Variants in MICU3 observed in about 807,000 individuals in gnomAD.
The protein encoded by MICU3 is calcium uptake protein 3, mitochondrial.
A neutral mutation model predicts 66.5 loss-of-function variants in MICU3; 62 were observed. The observed-to-expected ratio is 0.93, with a 90% confidence interval of 0.76 to 1.15. The LOEUF (loss-of-function observed/expected upper bound fraction) is 1.15. Ranked by LOEUF, MICU3 falls within the 50% of genes most tolerant of loss-of-function variation. The pLI, the probability that MICU3 is intolerant of heterozygous loss-of-function variation, is 0.00. For synonymous variants in MICU3, 308 were observed against 240.7 expected, an observed-to-expected ratio of 1.28 and a Z score of -2.59; for missense variants, 779 against 664.4, an observed-to-expected ratio of 1.17 and a Z score of -1.90.
At chr8:17,073,609 A>C (rs1347356263) in intron 3 of MICU3, among the ~76,000 whole-genome samples, 1 of 152,168 alleles carries the variant, frequency 6.6e-6, no homozygotes, top group Non-Finnish European at 1.5e-5. Context: ...TCATCCCCAG[A>C]ACATTTCCTC....
rs547359682 is a variant in MICU3, at chr8:17,101,681, C to G, written c.985-2710C>G. 2.0e-5 allele frequency among the ~76,000 whole-genome samples: 3 copies of G among 151,942 alleles called. No individual in the cohort carries two copies. The East Asian group carries it at 5.8e-4, about 29-fold the overall frequency. The stretch of plus-strand genomic sequence containing the variant: ...CATCCCACACTGTAAGAAAACATTC[C>G]TTAATTATGTTATCTGAATTCACTA... On this transcript the variant is annotated intron_variant, in intron 9 of 14. Transcript: ENST00000318063.
chr8:17,064,333 A>C, intron 2 of MICU3, 96 bp downstream of exon 2: 1 of 868,270 alleles, frequency 1.2e-6, no homozygotes, highest in Non-Finnish European at 1.7e-6. Flanking sequence ...AGAAGAACTG[A>C]GTAATGTGGT....
At chr8:17,132,972 G>A in the MICU3 span, 1 of 152,230 alleles carries the variant, frequency 6.6e-6, no homozygotes, top group Non-Finnish European at 1.5e-5. Context: ...CCTTCCTCCA[G>A]GTGAAGAGCC....
At position 17,039,110 on chromosome 8, in the gene MICU3, G is replaced by T. The variant is rs180958143; in HGVS notation, c.381+11450G>T. On this transcript the variant is annotated intron_variant, in intron 1 of 14. Coordinates refer to ENST00000318063, the MANE Select transcript of MICU3 (RefSeq NM_181723.3). ...AAAATTTTGATTTGCTGAAGGCTCA[G>T]ATGATCATTAGCACTTTTTTAGCAA... is the stretch of plus-strand genomic sequence containing the variant. 2.4e-3 allele frequency among the ~76,000 whole-genome samples: 366 copies of T among 152,274 alleles called. 3 individuals carry two copies. In the South Asian group the frequency reaches 0.028, roughly 11 times the overall value.
At chr8:17,069,756 A>G (rs762526712) in intron 3 of MICU3, 37 bp downstream of exon 3, 6 of 1,049,108 alleles carry the variant, frequency 5.7e-6, no homozygotes, top group Non-Finnish European at 8.3e-6. Context: ...CACAAATTTT[A>G]TATGTGCATG....
intron 12 of MICU3, among the ~76,000 whole-genome samples, chr8:17,115,978 T>C (rs929841745): frequency 2.6e-5 from 4 of 152,190 alleles, no homozygotes; most frequent in African/African-American, 7.2e-5. Flanking sequence ...CAAAATCACA[T>C]CCTTTTCCTA....
chr8:17,130,205 T>C, the MICU3 span, among the ~76,000 whole-genome samples: 1 of 152,132 alleles, frequency 6.6e-6, no homozygotes, highest in African/African-American at 2.4e-5. Context: ...TAGTAAAATA[T>C]ACAATGTTTT....
At chr8:17,039,357 T>C (rs946020230) in intron 1 of MICU3, among the ~76,000 whole-genome samples, 8 of 152,242 alleles carry the variant, frequency 5.3e-5, no homozygotes, top group African/African-American at 1.9e-4. Context: ...CAGTTTTTTA[T>C]AGTGAGGGAA....
the MICU3 span, among the ~76,000 whole-genome samples, chr8:17,128,135 G>A: frequency 4.6e-5 from 7 of 152,050 alleles, no homozygotes; most frequent in Admixed American, 1.3e-4. Context: ...AGCATAATCA[G>A]CTTTGAAACA....
At chr8:17,116,973 A>G (rs888985203) in intron 13 of MICU3, among the ~76,000 whole-genome samples, 1 of 152,006 alleles carries the variant, frequency 6.6e-6, no homozygotes, top group African/African-American at 2.4e-5. Context: ...TTTTATTTTA[A>G]TTTAATTTTA....
At chr8:17,110,744 G>T (rs923807020) in intron 11 of MICU3, among the ~76,000 whole-genome samples, 3 of 150,216 alleles carry the variant, frequency 2.0e-5, no homozygotes, top group Admixed American at 1.3e-4. Context: ...TTTGGGGAGG[G>T]GGGGGTAGAG....
chr8:17,123,188 C>T (rs1431412035), downstream of MICU3, among the ~76,000 whole-genome samples: 1 of 152,006 alleles, frequency 6.6e-6, no homozygotes, highest in African/African-American at 2.4e-5. Context: ...AATAATGGTA[C>T]ACCTTGCAAT....
At chr8:17,076,469 C>T (rs1820403866) in intron 3 of MICU3, among the ~76,000 whole-genome samples, 1 of 152,100 alleles carries the variant, frequency 6.6e-6, no homozygotes, top group African/African-American at 2.4e-5. Flanking sequence ...TAATCAGATG[C>T]ACTGATTATC....
At position 17,033,459 on chromosome 8, in the gene MICU3, C is replaced by T. The variant is rs143722660; in HGVS notation, c.381+5799C>T. On this transcript the variant is annotated intron_variant, in intron 1 of 14. Coordinates refer to ENST00000318063, the MANE Select transcript of MICU3 (RefSeq NM_181723.3). The stretch of plus-strand genomic sequence containing the variant: ...TATCATCAATTTTTTTTTTTGAGAC[C>T]GAGTCTTGCTCTGTCGCCCAGGCTG... 9.1e-3 allele frequency among the ~76,000 whole-genome samples: 1,377 copies of T among 151,680 alleles called. 25 individuals are homozygous for T. Among genetic ancestry groups the T allele is most frequent in the African/African-American group, 0.032 (1,306 of 41,368 alleles).
In MICU3 at chr8:17,116,614, T is replaced by G. The variant is rs1802703591; in HGVS notation, c.1524+14T>G. ...AGAGGATTCCGGGTAAACCTACACA[T>G]TTTAAACCTATTGATATCCTTTTTA... On this transcript the variant is annotated intron_variant, in intron 13 of 14. Coordinates refer to ENST00000318063, the MANE Select transcript of MICU3 (RefSeq NM_181723.3). 6.6e-7 allele frequency: 1 copy of G among 1,526,100 alleles called. No individual in the cohort carries two copies. Among genetic ancestry groups the G allele is most frequent in the Non-Finnish European group, 8.8e-7 (1 of 1,140,682 alleles). 94.5% of individuals were successfully genotyped at this position (1,526,100 alleles called of 1,614,324 possible).
Position 17,122,541 on chromosome 8 carries a change from G to C in MICU3, c.*2254G>C, listed in dbSNP as rs1329561352. 1 of 151,876 alleles carries C rather than the reference G, an allele frequency of 6.6e-6. No homozygotes were observed. Among genetic ancestry groups the C allele is most frequent in the Non-Finnish European group, 1.5e-5 (1 of 67,830 alleles). 9.4% of individuals were successfully genotyped at this position (151,876 alleles called of 1,614,324 possible). Reference sequence around the variant, plus strand: ...CATTTCATAATAAGCAATTTATTTAGCTTAAGTTCCAACTTACTGTTCTTA... The same window carrying C: ...CATTTCATAATAAGCAATTTATTTACCTTAAGTTCCAACTTACTGTTCTTA... On this transcript the variant is annotated 3_prime_UTR_variant, in exon 15 of 15. Transcript: ENST00000318063.
downstream of MICU3, among the ~76,000 whole-genome samples, chr8:17,127,571 T>C (rs1803435847): frequency 6.6e-6 from 1 of 152,232 alleles, no homozygotes; most frequent in Non-Finnish European, 1.5e-5. Flanking sequence ...TCCTTTACTA[T>C]TTGGACTGAG....
At chr8:17,083,905 G>C (rs910186100) in intron 5 of MICU3, among the ~76,000 whole-genome samples, 1 of 152,070 alleles carries the variant, frequency 6.6e-6, no homozygotes, top group Non-Finnish European at 1.5e-5. Flanking sequence ...AGAAGTGTTG[G>C]CTAGGGTAGC....
At chr8:17,111,262 T>G (rs1484062240) in intron 11 of MICU3, among the ~76,000 whole-genome samples, 1 of 152,180 alleles carries the variant, frequency 6.6e-6, no homozygotes, top group Non-Finnish European at 1.5e-5. Context: ...AGATATATTA[T>G]TTGCAACTAT....
Sources: gnomAD v4.1 joint callset for allele counts (sites outside exome capture counted in the v4.1 genomes callset) on GRCh38, gnomAD v4.1.1 for gene constraint, MANE v1.5 for transcripts, NCBI Gene and HGNC (gene_info 2026-07-23, HGNC 2026-07-21) for gene names.